Variants in PRAMEF2 observed in about 807,000 individuals in gnomAD.
PRAMEF2 encodes the protein PRAME family member 2.
In PRAMEF2, 35 loss-of-function variants were observed where a neutral mutation model predicts 38.0. The ratio of observed to expected loss-of-function variants is 0.92; its 90% CI spans 0.70 to 1.22. The LOEUF (loss-of-function observed/expected upper bound fraction) is 1.22. Among genes scored for constraint, PRAMEF2 ranks in the 50% most tolerant of loss-of-function variants. PRAMEF2 has a pLI of 0.00. For missense variants in PRAMEF2, 562 were observed against 553.9 expected (o/e 1.01, Z -0.15); for synonymous variants, 240 against 232.4 (o/e 1.03, Z -0.30).
chr1:12,859,644 A>G (rs1381726247), intron 2 of PRAMEF2, 49 bp from the exon 3 acceptor site: 1 of 1,603,184 alleles, frequency 6.2e-7, no homozygotes, highest in African/African-American at 1.3e-5. Context: ...AGCAAAGGTC[A>G]GGGATGAGTC....
rs755821420 is a variant in PRAMEF2, at chr1:12,859,975, G to A, written c.570G>A (p.Thr190=). The change falls in exon 3 of 4, where the codon ACG becomes ACA. Residue 190 remains threonine, a synonymous_variant. Transcript: ENST00000240189. ...GTAGTAAGCTGGTCAATTATCTAAC[G>A]CCAATTAAATATCTCAGAAAGTCAT... is the stretch of plus-strand genomic sequence containing the variant. ...LCCSKLVNYL[T]PIKYLRKSLK... 62 of 1,607,792 alleles carry A rather than the reference G, an allele frequency of 3.9e-5. 2 individuals are homozygous for A. Among genetic ancestry groups the A allele is most frequent in the African/African-American group, 1.5e-4 (11 of 74,490 alleles).
chr1:12,861,240 G>A lies in PRAMEF2; in HGVS notation c.886G>A (p.Glu296Lys), dbSNP rs146371396. ...QLIRCLQNPLENLELTCGNLL... is the reference protein window; with the variant it reads ...QLIRCLQNPLKNLELTCGNLL... ...CCACAGGTGCCTCCAGAACCCCTTG[G>A]AGAACTTGGAATTAACTTGTGGCAA... is the stretch of plus-strand genomic sequence containing the variant. Residue 296 changes from glutamate (E) to lysine (K), a missense_variant, in exon 4 of 4, where the codon GAG (glutamate) becomes AAG (lysine). This residue lies in a region of PRAMEF2 where 486 missense variants were observed against 444.2 expected (regional missense o/e 1.09). Transcript: ENST00000240189. 1,203 of 1,607,542 alleles carry A rather than the reference G, an allele frequency of 7.5e-4. 55 individuals are homozygous for A. The highest frequency in any genetic ancestry group is 6.6e-4 in the Non-Finnish European group (773 of 1,176,678).
In PRAMEF2 at chr1:12,861,501, T is replaced by C. The variant is rs748201436; in HGVS notation, c.1147T>C (p.Tyr383His). ...LSCCSQLTTF[Y>H]FGSNCMSIDA... is the part of the protein sequence containing the mutation. ...CTGCTGCTCCCAGCTCACCACCTTC[T>C]ACTTTGGCAGCAATTGCATGTCTAT... Residue 383 changes from tyrosine to histidine, a missense_variant, in exon 4 of 4, where the codon TAC (tyrosine) becomes CAC (histidine). Transcript: ENST00000240189. The C allele has an allele frequency of 1.2e-6, 2 of 1,605,726 alleles. No homozygotes were observed. The highest frequency in any genetic ancestry group is 2.2e-5 in the South Asian group (2 of 90,638).
rs3204798 is a variant in PRAMEF2, at chr1:12,860,017, T to C, written c.612T>C (p.Ile204=). 6.2e-7 allele frequency: 1 copy of C among 1,603,478 alleles called. No homozygotes were observed. Among genetic ancestry groups the C allele is most frequent in the Admixed American group, 1.7e-5 (1 of 57,884 alleles). The change falls in exon 3 of 4, where the codon ATT becomes ATC. Residue 204 remains isoleucine (I), a synonymous_variant. Coordinates refer to ENST00000240189, the MANE Select transcript of PRAMEF2 (RefSeq NM_023014.1). ...YLRKSLKIIY[I]NSIGELEIHN... ...GAAAGTCATTGAAAATAATATACAT[T>C]AATAGTATTGGGGAGCTGGAAATTC...
At chr1:12,858,936 A>G (rs1640490900) in intron 1 of PRAMEF2, 49 bp from the exon 2 acceptor site, 1 of 1,543,416 alleles carries the variant, frequency 6.5e-7, no homozygotes, top group East Asian at 2.3e-5. Context: ...AGATGAGGTG[A>G]TTGTGTTTGC....
Position 12,859,302 on chromosome 1 carries a change from G to T in PRAMEF2, c.287+6G>T. ...ACACAGAAGGATCGCCCCAGGTGAGGTGACCCAGGAGGGCTAGTAGATAGG... is the reference window on the plus strand; with the variant it reads ...ACACAGAAGGATCGCCCCAGGTGAGTTGACCCAGGAGGGCTAGTAGATAGG... On this transcript the variant is annotated splice_donor_region_variant and intron_variant, in intron 2 of 3. Coordinates refer to ENST00000240189, the MANE Select transcript of PRAMEF2 (RefSeq NM_023014.1). 6.2e-7 allele frequency: 1 copy of T among 1,609,242 alleles called. No homozygotes were observed. The highest frequency in any genetic ancestry group is 2.2e-5 in the East Asian group (1 of 44,830).
chr1:12,858,306 G>C (rs1640479249), intron 1 of PRAMEF2, among the ~76,000 whole-genome samples: 1 of 150,210 alleles, frequency 6.7e-6, no homozygotes, highest in South Asian at 2.1e-4. Flanking sequence ...ACCCAGGCTG[G>C]AGTGCAGTGG....
intron 1 of PRAMEF2, among the ~76,000 whole-genome samples, chr1:12,857,521 G>A (rs1376085535): frequency 1.4e-5 from 2 of 141,580 alleles, no homozygotes; most frequent in South Asian, 2.3e-4. Flanking sequence ...ATCCTTAAAG[G>A]TATCCCACAC....
chr1:12,858,131 C>A (rs1353229211), intron 1 of PRAMEF2, among the ~76,000 whole-genome samples: 3 of 149,690 alleles, frequency 2.0e-5, no homozygotes, highest in African/African-American at 7.4e-5. Context: ...AGTGCAGGGC[C>A]CTGAGCTGGG....
rs1640541927 is a variant in PRAMEF2 at position 12,861,184 on chromosome 1, G to C, written c.867-37G>C. 3.2e-6 allele frequency: 5 copies of C among 1,585,770 alleles called. 1 individual carries two copies. Among genetic ancestry groups the C allele is most frequent in the African/African-American group, 2.7e-5 (2 of 73,684 alleles). On this transcript the variant is annotated intron_variant, in intron 3 of 3. Coordinates refer to ENST00000240189, the MANE Select transcript of PRAMEF2 (RefSeq NM_023014.1). Reference sequence around the variant, plus strand: ...ATTCCCCACTACCTTCATCTAACTGGTACCATTGCCCAGAACTAACTTCTT... The same window carrying C: ...ATTCCCCACTACCTTCATCTAACTGCTACCATTGCCCAGAACTAACTTCTT...
rs1395767649 is a variant in PRAMEF2, at chr1:12,861,270, T to C, written c.916T>C (p.Leu306=). Residue 306 remains leucine, a synonymous_variant, in exon 4 of 4, where the codon TTA becomes CTA. Coordinates refer to ENST00000240189, the MANE Select transcript of PRAMEF2 (RefSeq NM_023014.1). ...ENLELTCGNL[L]EEDLKCLSQF... ...CTTGGAATTAACTTGTGGCAACCTATTAGAAGAGGACTTGAAGTGTCTCTC... is the reference window on the plus strand; with the variant it reads ...CTTGGAATTAACTTGTGGCAACCTACTAGAAGAGGACTTGAAGTGTCTCTC... The C allele has an allele frequency of 6.2e-7, 1 of 1,607,672 alleles. No individual in the cohort carries two copies. The highest frequency in any genetic ancestry group is 1.3e-5 in the African/African-American group (1 of 74,402).
At position 12,859,768 on chromosome 1, in the gene PRAMEF2, C is replaced by T. The variant is rs75838083; in HGVS notation, c.363C>T (p.Ala121=). 0.11 allele frequency: 172,909 copies of T among 1,588,838 alleles called. 13,377 individuals are homozygous for T. The highest frequency in any genetic ancestry group is 0.14 in the African/African-American group (9,999 of 74,026). ...GGGCCAGATGGCCTGGAGCCTGGGC[C>T]CTGTCCTGCTTCCCAGAGGCCATGA... ...NFWARWPGAW[A]LSCFPEAMSK... Residue 121 remains alanine (A), a synonymous_variant, in exon 3 of 4, where the codon GCC becomes GCT. Transcript: ENST00000240189.
In PRAMEF2 at chr1:12,860,120, T is replaced by C; in HGVS notation, c.715T>C (p.Phe239Leu). 6.2e-7 allele frequency: 1 copy of C among 1,606,794 alleles called. No individual in the cohort carries two copies. Among genetic ancestry groups the C allele is most frequent in the Non-Finnish European group, 8.5e-7 (1 of 1,176,498 alleles). The change falls in exon 3 of 4, where the codon TTC (phenylalanine) becomes CTC (leucine). Residue 239 changes from phenylalanine to leucine, a missense_variant. By Grantham distance (22) the Phe-to-Leu change is conservative. Transcript: ENST00000240189. The part of the protein sequence containing the change: ...KEMKTLCKLV[F>L]SRCHHYTSDN... ...GATGAAGACTCTTTGCAAACTCGTT[T>C]TCTCCAGGTGCCATCATTACACGTC...
At position 12,860,016 on chromosome 1, in the gene PRAMEF2, T is replaced by G; in HGVS notation, c.611T>G (p.Ile204Ser). 6.2e-7 allele frequency: 1 copy of G among 1,606,948 alleles called. No homozygotes were observed. Among genetic ancestry groups the G allele is most frequent in the Non-Finnish European group, 8.5e-7 (1 of 1,176,580 alleles). The part of the protein sequence containing the change: ...YLRKSLKIIY[I>S]NSIGELEIHN... Reference sequence around the variant, plus strand: ...AGAAAGTCATTGAAAATAATATACATTAATAGTATTGGGGAGCTGGAAATT... The same window carrying G: ...AGAAAGTCATTGAAAATAATATACAGTAATAGTATTGGGGAGCTGGAAATT... Residue 204 changes from isoleucine (I) to serine (S), a missense_variant, in exon 3 of 4, where the codon ATT becomes AGT. Coordinates refer to ENST00000240189, the MANE Select transcript of PRAMEF2 (RefSeq NM_023014.1).
intron 1 of PRAMEF2, among the ~76,000 whole-genome samples, chr1:12,857,433 T>C (rs1317682684): frequency 1.4e-5 from 2 of 147,784 alleles, no homozygotes; most frequent in African/African-American, 2.5e-5. Context: ...TTGAAGTTAT[T>C]TGTTTTTGTG....
rs573081100 is a variant in PRAMEF2 at position 12,859,903 on chromosome 1, C to T, written c.498C>T (p.Tyr166=). ...TACCCCAGGATGAATGCCTGAGATA[C>T]CTCTTCCAGTGGGTTTACCAAAGGA... ...KEIPQDECLR[Y]LFQWVYQRRG... is the part of the protein sequence containing the mutation. The change falls in exon 3 of 4, where the codon TAC becomes TAT. Residue 166 remains tyrosine (Y), a synonymous_variant. Coordinates refer to ENST00000240189, the MANE Select transcript of PRAMEF2 (RefSeq NM_023014.1). 6.2e-7 allele frequency: 1 copy of T among 1,608,542 alleles called. No individual in the cohort carries two copies. The highest frequency in any genetic ancestry group is 1.3e-5 in the African/African-American group (1 of 74,582).
In PRAMEF2 at chr1:12,860,199, G is replaced by A. The variant is rs1186861552; in HGVS notation, c.794G>A (p.Arg265Lys). 6.2e-7 allele frequency: 1 copy of A among 1,606,838 alleles called. No individual in the cohort carries two copies. Among genetic ancestry groups the A allele is most frequent in the East Asian group, 2.2e-5 (1 of 44,720 alleles). Residue 265 changes from arginine (R) to lysine (K), a missense_variant, in exon 3 of 4, where the codon AGG (arginine) becomes AAG (lysine). Transcript: ENST00000240189. ...LVTRFTSVFL[R>K]LEHLQLLKIK... is the part of the protein sequence containing the mutation. The stretch of plus-strand genomic sequence containing the variant: ...ACCAGATTCACCTCTGTGTTCCTCA[G>A]GCTGGAACACCTCCAGTTGCTTAAA...
intron 1 of PRAMEF2, 127 bp from the exon 2 acceptor site, chr1:12,858,857 CA>C: frequency 9.2e-7 from 1 of 1,092,476 alleles, no homozygotes; most frequent in Non-Finnish European, 1.3e-6. Flanking sequence ...GGCCAACAAG[CA>C]CAGTGGAATT....
In PRAMEF2 at chr1:12,858,680, A is replaced by T. The variant is rs148260178; in HGVS notation, c.-25-305A>T. 2.0e-5 allele frequency among the ~76,000 whole-genome samples: 3 copies of T among 149,822 alleles called. No homozygotes were observed. In the South Asian group the frequency reaches 6.4e-4, roughly 32 times the overall value. On this transcript the variant is annotated intron_variant, in intron 1 of 3. Coordinates refer to ENST00000240189, the MANE Select transcript of PRAMEF2 (RefSeq NM_023014.1). Reference sequence around the variant, plus strand: ...AGTGACAAGAAATTTTTCCTCAAAGAGGTAGAGCTTGGCTTTCAGGATCCT... The same window carrying T: ...AGTGACAAGAAATTTTTCCTCAAAGTGGTAGAGCTTGGCTTTCAGGATCCT...
Sources: allele counts gnomAD v4.1 joint callset (sites outside exome capture counted in the v4.1 genomes callset), GRCh38; gene constraint gnomAD v4.1.1; regional missense constraint gnomAD v4.1.1; transcripts MANE v1.5; gene names NCBI Gene and HGNC (gene_info 2026-07-23, HGNC 2026-07-21).